Variants in ASTN2 observed in about 807,000 individuals in gnomAD.
ASTN2 encodes astrotactin 2, also known as astrotactin-2.
A neutral mutation model predicts 139.8 loss-of-function variants in ASTN2; 54 were observed. That is an observed-to-expected ratio of 0.39 (90% CI 0.31 to 0.48). The LOEUF is 0.48. ASTN2 is among the 20% of genes least tolerant of loss of function. The pLI, the probability that ASTN2 is intolerant of heterozygous loss-of-function variation, is 0.95. For synonymous variants in ASTN2, 756 were observed against 719.5 expected, an observed-to-expected ratio of 1.05 and a Z score of -0.81; for missense variants, 1,565 against 1,725.1, an observed-to-expected ratio of 0.91 and a Z score of 1.64.
chr9:116,749,037 G>A (rs1043025667), intron 13 of ASTN2, among the ~76,000 whole-genome samples: 2 of 152,046 alleles, frequency 1.3e-5, no homozygotes, highest in African/African-American at 2.4e-5. Flanking sequence ...TCCGCCCCCC[G>A]TCCCCTGTGT....
Position 117,142,937 on chromosome 9 carries a change from G to A in ASTN2, c.1016-1459C>T, listed in dbSNP as rs146391180. 4.3e-3 allele frequency among the ~76,000 whole-genome samples: 661 copies of A among 152,246 alleles called. 4 individuals are homozygous for A. The highest frequency in any genetic ancestry group is 0.015 in the African/African-American group (618 of 41,542). On this transcript the variant is annotated intron_variant, in intron 3 of 22. Transcript: ENST00000313400. ...GCTGTCTGATGCCAAGAGATGGGAT[G>A]TGCCAACAATTTCTGTTTCTTTGAA...
chr9:116,801,390 G>A (rs148848997), intron 13 of ASTN2, among the ~76,000 whole-genome samples: 56 of 151,916 alleles, frequency 3.7e-4, no homozygotes, highest in African/African-American at 1.2e-3. Context: ...AGACCAGTCT[G>A]GCTAACACAG....
chr9:117,351,869 T>A (rs753389241), intron 1 of ASTN2, among the ~76,000 whole-genome samples: 4 of 152,160 alleles, frequency 2.6e-5, no homozygotes, highest in African/African-American at 4.8e-5. Context: ...GAGATTCTAG[T>A]CCTGCACACT....
intron 4 of ASTN2, among the ~76,000 whole-genome samples, chr9:117,109,898 T>C (rs938888743): frequency 2.8e-4 from 43 of 152,270 alleles, no homozygotes; most frequent in African/African-American, 1.0e-3. Flanking sequence ...TTTAGTTTCC[T>C]ATACAAGTAT....
At chr9:117,268,045 A>G (rs1833975970) in intron 2 of ASTN2, among the ~76,000 whole-genome samples, 1 of 152,194 alleles carries the variant, frequency 6.6e-6, no homozygotes. Flanking sequence ...TAAAATGTTA[A>G]AAAGCACTGG....
chr9:117,122,705 T>C (rs910657283), intron 4 of ASTN2, among the ~76,000 whole-genome samples: 1 of 152,100 alleles, frequency 6.6e-6, no homozygotes, highest in African/African-American at 2.4e-5. Flanking sequence ...CTTAAAAGAC[T>C]TTATGAAGTC....
intron 10 of ASTN2, among the ~76,000 whole-genome samples, chr9:116,951,278 A>C (rs886469629): frequency 1.4e-5 from 2 of 138,260 alleles, no homozygotes; most frequent in Admixed American, 1.6e-4. Context: ...CAGAGGTTGC[A>C]GTGAGCCAAG....
intron 10 of ASTN2, among the ~76,000 whole-genome samples, chr9:116,871,849 C>T (rs981304985): frequency 6.6e-6 from 1 of 152,146 alleles, no homozygotes; most frequent in Non-Finnish European, 1.5e-5. Flanking sequence ...TTTAGGGAGC[C>T]TTCTCAGCCC....
rs918737497 is a variant in ASTN2 at position 116,825,150 on chromosome 9, C to A, written c.2041-4367G>T. Among the ~76,000 whole-genome samples the A allele has an allele frequency of 1.1e-4, 17 of 152,134 alleles. 2 individuals carry two copies. Among genetic ancestry groups the A allele is most frequent in the Admixed American group, 1.1e-3 (17 of 15,278 alleles). ...GTTTTCTTTCTATAAATAGAGGAGCCAGTTTGGAGACAAGAATATGAGGAC... is the reference window on the plus strand; with the variant it reads ...GTTTTCTTTCTATAAATAGAGGAGCAAGTTTGGAGACAAGAATATGAGGAC... On this transcript the variant is annotated intron_variant, in intron 11 of 22. Coordinates refer to ENST00000313400, the MANE Select transcript of ASTN2 (RefSeq NM_001365068.1).
chr9:116,647,159 T>C (rs1468939459), intron 17 of ASTN2, among the ~76,000 whole-genome samples: 6 of 152,174 alleles, frequency 3.9e-5, no homozygotes, highest in Admixed American at 3.9e-4. Context: ...TAATACACGC[T>C]TGCAATCCAC....
intron 11 of ASTN2, among the ~76,000 whole-genome samples, chr9:116,850,537 T>C (rs528995222): frequency 1.1e-4 from 16 of 152,296 alleles, no homozygotes; most frequent in Non-Finnish European, 1.9e-4. Context: ...ACAATGAACA[T>C]GTCACTTCCC....
chr9:117,299,758 T>C (rs1411092058), intron 1 of ASTN2, among the ~76,000 whole-genome samples: 1 of 152,120 alleles, frequency 6.6e-6, no homozygotes, highest in African/African-American at 2.4e-5. Context: ...TCTCCATATA[T>C]CATGAATTAA....
rs140105407 is a variant in ASTN2 at position 117,202,268 on chromosome 9, ACT to A, written c.1015+12088_1015+12089del. 8.6e-4 allele frequency among the ~76,000 whole-genome samples: 131 copies of A among 152,182 alleles called. No homozygotes were observed. In the East Asian group the frequency reaches 0.024, roughly 27 times the overall value. On this transcript the variant is annotated intron_variant, in intron 3 of 22. Transcript: ENST00000313400. ...GAGATGGGTCTCCTGAATATAGTACACTGATGGGTCTTGACTCCTCAACCAAT... is the reference window on the plus strand; with the variant it reads ...GAGATGGGTCTCCTGAATATAGTACAGATGGGTCTTGACTCCTCAACCAAT...
chr9:116,940,111 T>A (rs1056821819), intron 10 of ASTN2, among the ~76,000 whole-genome samples: 1 of 152,226 alleles, frequency 6.6e-6, no homozygotes, highest in African/African-American at 2.4e-5. Flanking sequence ...CTTTTAATTG[T>A]TATTTTTATT....
chr9:117,079,104 C>G (rs1199650313), intron 5 of ASTN2, among the ~76,000 whole-genome samples: 1 of 152,076 alleles, frequency 6.6e-6, no homozygotes, highest in Non-Finnish European at 1.5e-5. Context: ...ACCTGTAATC[C>G]CAGTACATTG....
At chr9:116,726,677 C>T (rs1828633521) in intron 15 of ASTN2, among the ~76,000 whole-genome samples, 1 of 152,192 alleles carries the variant, frequency 6.6e-6, no homozygotes, top group African/African-American at 2.4e-5. Context: ...TAGATTTCCA[C>T]AGAGCCTTCT....
intron 10 of ASTN2, among the ~76,000 whole-genome samples, chr9:116,886,532 T>C (rs1833600142): frequency 3.5e-5 from 1 of 28,950 alleles, no homozygotes; most frequent in Admixed American, 4.9e-4. Flanking sequence ...CCACTACACC[T>C]GGCTAATGTT....
chr9:117,150,087 A>G (rs1830293323), intron 3 of ASTN2, among the ~76,000 whole-genome samples: 1 of 152,200 alleles, frequency 6.6e-6, no homozygotes, highest in Admixed American at 6.5e-5. Flanking sequence ...AACTGCATTG[A>G]GTTTGAATGA....
chr9:116,515,240 C>T (rs1198483246), intron 19 of ASTN2, among the ~76,000 whole-genome samples: 1 of 152,160 alleles, frequency 6.6e-6, no homozygotes, highest in Non-Finnish European at 1.5e-5. Flanking sequence ...TGACAGCACC[C>T]TGACTTTGTT....
Sources: allele counts gnomAD v4.1 joint callset (sites outside exome capture counted in the v4.1 genomes callset), GRCh38; gene constraint gnomAD v4.1.1; transcripts MANE v1.5; gene names NCBI Gene and HGNC (gene_info 2026-07-23, HGNC 2026-07-21).